Variants in PHF21A observed in about 807,000 individuals in gnomAD.
PHF21A encodes PHD finger protein 21A, also known as BHC80a.
Under a neutral mutation model 82.5 loss-of-function variants are expected in PHF21A, and 11 were observed. The ratio of observed to expected loss-of-function variants is 0.13; its 90% CI spans 0.08 to 0.22. The LOEUF (loss-of-function observed/expected upper bound fraction) is 0.22. Among genes scored for constraint, PHF21A ranks in the 10% least tolerant of loss-of-function variants. The pLI, the probability that PHF21A is intolerant of heterozygous loss-of-function variation, is 1.00. For synonymous variants in PHF21A, 297 were observed against 302.8 expected, an observed-to-expected ratio of 0.98 and a Z score of 0.20; for missense variants, 579 against 837.8, an observed-to-expected ratio of 0.69 and a Z score of 3.81.
At chr11:45,959,587 G>C (rs1247031359) in intron 10 of PHF21A, among the ~76,000 whole-genome samples, 1 of 152,130 alleles carries the variant, frequency 6.6e-6, no homozygotes, top group Non-Finnish European at 1.5e-5. Flanking sequence ...AAATTGGAAA[G>C]GAAGATGTAA....
At chr11:46,102,410 A>C (rs1566003932) in intron 1 of PHF21A, among the ~76,000 whole-genome samples, 1 of 152,266 alleles carries the variant, frequency 6.6e-6, no homozygotes, top group Non-Finnish European at 1.5e-5. Flanking sequence ...CTATCAACCA[A>C]TGACATGTAA....
intron 6 of PHF21A, among the ~76,000 whole-genome samples, chr11:46,070,387 G>A (rs1462103690): frequency 6.6e-6 from 1 of 151,712 alleles, no homozygotes; most frequent in Non-Finnish European, 1.5e-5. Context: ...CTGGAGTGCA[G>A]TGGCACCATC....
At chr11:46,083,056 G>C (rs2096811997) in intron 4 of PHF21A, among the ~76,000 whole-genome samples, 1 of 151,968 alleles carries the variant, frequency 6.6e-6, no homozygotes, top group Non-Finnish European at 1.5e-5. Flanking sequence ...TTGCCATTCA[G>C]CCAAACTGGG....
Position 45,934,077 on chromosome 11 carries a change from T to C in PHF21A, c.1937A>G (p.Asn646Ser), listed in dbSNP as rs191903911. The C allele has an allele frequency of 4.7e-4, 759 of 1,613,976 alleles. 23 individuals are homozygous for C. In the Admixed American group the frequency reaches 0.012, roughly 25 times the overall value. The change falls in exon 19 of 19, where the codon AAT becomes AGT. Residue 646 changes from asparagine to serine, a missense_variant. This residue lies in a region of PHF21A where 157 missense variants were observed against 149.4 expected (regional missense o/e 1.05). Transcript: ENST00000676320. ...DSEATVGAIS[N>S]GPDCTPPANA... ...GGCAGGGGGGGTGCAGTCCGGGCCA[T>C]TGGAGATGGCCCCCACAGTGGCCTC...
chr11:45,972,368 GA>G (rs1426158026), intron 7 of PHF21A, among the ~76,000 whole-genome samples: 2 of 152,064 alleles, frequency 1.3e-5, no homozygotes, highest in African/African-American at 4.8e-5. Context: ...AACATTTCAG[GA>G]ACATGAAAAT....
At chr11:45,934,739 A>G (rs559492982) in intron 18 of PHF21A, 5 of 327,968 alleles carry the variant, frequency 1.5e-5, no homozygotes, top group South Asian at 1.0e-4. Flanking sequence ...ATTTAGGAGG[A>G]TCGAAGCCCC....
At chr11:46,105,181 G>C (rs1368030489) in intron 1 of PHF21A, among the ~76,000 whole-genome samples, 1 of 152,182 alleles carries the variant, frequency 6.6e-6, no homozygotes, top group African/African-American at 2.4e-5. Flanking sequence ...GCTAGGATCT[G>C]GGCCCATGCA....
intron 4 of PHF21A, among the ~76,000 whole-genome samples, chr11:46,079,866 A>AAG (rs2096769260): frequency 6.6e-6 from 1 of 152,052 alleles, no homozygotes; most frequent in Non-Finnish European, 1.5e-5. Flanking sequence ...AAGGAAAGGA[A>AAG]AGGAAAGAGG....
intron 1 of PHF21A, among the ~76,000 whole-genome samples, chr11:46,113,353 C>T (rs1202839612): frequency 6.6e-6 from 1 of 151,722 alleles, no homozygotes; most frequent in Non-Finnish European, 1.5e-5. Context: ...TAGCACATAC[C>T]GGAAAAAGTA....
At chr11:45,974,414 G>A (rs1254376761) in intron 7 of PHF21A, among the ~76,000 whole-genome samples, 4 of 91,916 alleles carry the variant, frequency 4.4e-5, no homozygotes, top group African/African-American at 4.4e-5. Flanking sequence ...GGTGTCAAAC[G>A]ACAAATTATT....
chr11:46,049,794 A>G (rs1007101936), intron 6 of PHF21A, among the ~76,000 whole-genome samples: 1 of 152,250 alleles, frequency 6.6e-6, no homozygotes, highest in Non-Finnish European at 1.5e-5. Context: ...AGTCACGAAT[A>G]GCAAACTGCT....
intron 7 of PHF21A, among the ~76,000 whole-genome samples, chr11:45,975,287 C>T (rs1406322762): frequency 1.3e-5 from 2 of 150,232 alleles, no homozygotes; most frequent in African/African-American, 4.9e-5. Context: ...GCACTCCAGC[C>T]TAGGTGACAC....
chr11:46,028,428 A>T (rs1187689140), intron 6 of PHF21A, among the ~76,000 whole-genome samples: 1 of 152,154 alleles, frequency 6.6e-6, no homozygotes, highest in African/African-American at 2.4e-5. Flanking sequence ...TACTTTCATA[A>T]TTAGAATAAT....
chr11:46,062,960 C>T lies in PHF21A; in HGVS notation c.153+13794G>A, dbSNP rs528032292. On this transcript the variant is annotated intron_variant, in intron 6 of 18. Transcript: ENST00000676320. ...GGGACTGGATTGACAGAAGGATGAG[C>T]GAGACGACCAAGAACACTTCAGAGG... Among the ~76,000 whole-genome samples, 38 of 152,186 alleles carry T rather than the reference C, an allele frequency of 2.5e-4. No homozygotes were observed. In the South Asian group the frequency reaches 2.7e-3, roughly 11 times the overall value.
chr11:46,085,368 A>T (rs1307248356), intron 3 of PHF21A, among the ~76,000 whole-genome samples: 9 of 152,052 alleles, frequency 5.9e-5, no homozygotes, highest in Non-Finnish European at 1.3e-4. Context: ...CAAAAGTCTA[A>T]ATCTGTTAAT....
Position 45,965,497 on chromosome 11 carries a change from G to T in PHF21A, c.814C>A (p.Pro272Thr), listed in dbSNP as rs1565298681. The change falls in exon 10 of 19, where the codon CCC becomes ACC. Residue 272 changes from proline to threonine, a missense_variant. Pro to Thr is a conservative substitution (Grantham distance 38). Transcript: ENST00000676320. ...TTCTGGGATGTGGGAAGGGTTGTGG[G>T]GGTGAACTTGGTCAGCATGACGGGC... ...QRPVMLTKFT[P>T]TTLPTSQNSI... 9 of 1,613,584 alleles carry T rather than the reference G, an allele frequency of 5.6e-6. No homozygotes were observed. Among genetic ancestry groups the T allele is most frequent in the Non-Finnish European group, 6.8e-6 (8 of 1,179,728 alleles).
chr11:45,996,405 A>T (rs953992501), intron 6 of PHF21A, among the ~76,000 whole-genome samples: 21 of 152,186 alleles, frequency 1.4e-4, no homozygotes, highest in Non-Finnish European at 2.5e-4. Flanking sequence ...CTCTTTATGT[A>T]TTGCTCAGTA....
At chr11:46,008,532 G>A (rs1397983023) in intron 6 of PHF21A, among the ~76,000 whole-genome samples, 2 of 152,040 alleles carry the variant, frequency 1.3e-5, no homozygotes, top group South Asian at 2.1e-4. Context: ...GGTAGAAGAC[G>A]GGAAAAGAGT....
intron 6 of PHF21A, among the ~76,000 whole-genome samples, chr11:46,068,572 C>T (rs2096621297): frequency 6.6e-6 from 1 of 152,022 alleles, no homozygotes; most frequent in African/African-American, 2.4e-5. Flanking sequence ...AAGACAGATA[C>T]CACAGGCTTG....
Sources: gnomAD v4.1 joint callset for allele counts (sites outside exome capture counted in the v4.1 genomes callset) on GRCh38, gnomAD v4.1.1 for gene constraint, gnomAD v4.1.1 regional missense constraint, MANE v1.5 for transcripts, NCBI Gene and HGNC (gene_info 2026-07-23, HGNC 2026-07-21) for gene names.